Variants in MELK observed in about 807,000 individuals in gnomAD.
MELK encodes the protein pEg3 kinase.
MELK carries 81 observed loss-of-function variants against 85.0 expected under a neutral mutation model. That is an observed-to-expected ratio of 0.95 (90% CI 0.80 to 1.15). The LOEUF is 1.15. MELK is among the 50% of genes most tolerant of loss of function. The pLI is 0.00. For missense variants in MELK, 754 were observed against 777.5 expected (o/e 0.97, Z 0.36); for synonymous variants, 252 against 265.0 (o/e 0.95, Z 0.48).
At chr9:36,664,710 A>C (rs1832165311) in intron 13 of MELK, among the ~76,000 whole-genome samples, 1 of 152,218 alleles carries the variant, frequency 6.6e-6, no homozygotes, top group Middle Eastern at 3.2e-3. Context: ...TCCTGGCTTT[A>C]CATGGGAGCT....
intron 8 of MELK, among the ~76,000 whole-genome samples, chr9:36,627,521 TCTC>T (rs1467306586): frequency 2.9e-5 from 4 of 137,606 alleles, no homozygotes; most frequent in South Asian, 2.2e-4. Context: ...TCTCTCTCTC[TCTC>T]TTTTTTTTTT....
At chr9:36,609,147 G>A (rs1825849268) in intron 8 of MELK, among the ~76,000 whole-genome samples, 1 of 152,114 alleles carries the variant, frequency 6.6e-6, no homozygotes, top group Admixed American at 6.6e-5. Context: ...GTGACTGCCT[G>A]TGAGTATGGG....
At chr9:36,671,503 C>T (rs1016259585) in intron 16 of MELK, among the ~76,000 whole-genome samples, 6 of 151,996 alleles carry the variant, frequency 3.9e-5, no homozygotes, top group African/African-American at 1.5e-4. Flanking sequence ...CAGTTGTGTC[C>T]CTGATTCATG....
chr9:36,640,468 A>G (rs767899758), intron 10 of MELK, among the ~76,000 whole-genome samples: 1 of 151,938 alleles, frequency 6.6e-6, no homozygotes, highest in Non-Finnish European at 1.5e-5. Context: ...TTTTAAAGAG[A>G]TAGGGTCTCA....
intron 3 of MELK, 72 bp downstream of exon 3, chr9:36,583,784 A>T (rs935978058): frequency 4.3e-5 from 45 of 1,054,682 alleles, no homozygotes; most frequent in Non-Finnish European, 5.7e-5. Flanking sequence ...GAATTGTTCT[A>T]ATGTTCTAGT....
intron 5 of MELK, among the ~76,000 whole-genome samples, chr9:36,595,586 G>A (rs1824126176): frequency 6.8e-6 from 1 of 146,492 alleles, no homozygotes; most frequent in Admixed American, 7.1e-5. Context: ...TCAATTGTGT[G>A]TGACTTTATA....
At chr9:36,597,674 T>G (rs115892691) in intron 6 of MELK, among the ~76,000 whole-genome samples, 323 of 152,348 alleles carry the variant, frequency 2.1e-3, no homozygotes, top group African/African-American at 7.3e-3. Flanking sequence ...TTAGTGCAAA[T>G]CTGTTATCCA....
intron 3 of MELK, among the ~76,000 whole-genome samples, chr9:36,588,609 C>A (rs180958418): frequency 1.3e-5 from 2 of 152,110 alleles, no homozygotes. Context: ...AAAGTCCCAA[C>A]CTCAGGTAGT....
At chr9:36,607,836 T>C (rs1014695714) in intron 8 of MELK, among the ~76,000 whole-genome samples, 163 bp downstream of exon 8, 1 of 152,192 alleles carries the variant, frequency 6.6e-6, no homozygotes, top group Non-Finnish European at 1.5e-5. Flanking sequence ...TGGGCTTCTG[T>C]TCTGTTTCTT....
At chr9:36,651,060 G>C (rs57068255) in intron 11 of MELK, among the ~76,000 whole-genome samples, 69 of 152,314 alleles carry the variant, frequency 4.5e-4, no homozygotes, top group African/African-American at 1.6e-3. Flanking sequence ...GACCACATTG[G>C]TTGTTAAAAT....
intron 11 of MELK, among the ~76,000 whole-genome samples, chr9:36,648,041 G>T (rs909475276): frequency 6.6e-6 from 1 of 152,022 alleles, no homozygotes; most frequent in South Asian, 2.1e-4. Flanking sequence ...AGACTATTCC[G>T]TACTGTTAAA....
intron 8 of MELK, among the ~76,000 whole-genome samples, chr9:36,611,892 C>G (rs1826098155): frequency 6.6e-6 from 1 of 151,836 alleles, no homozygotes; most frequent in Non-Finnish European, 1.5e-5. Flanking sequence ...TCTGCCTCAG[C>G]CTTCCAAGTA....
chr9:36,630,339 G>C lies in MELK; in HGVS notation c.707G>C (p.Ser236Thr), dbSNP rs376164595. Residue 236 changes from serine (S) to threonine (T), a missense_variant, in exon 9 of 18, where the codon AGC becomes ACC. By Grantham distance (58) the Ser-to-Thr change is moderately conservative (BLOSUM62 1). Coordinates refer to ENST00000298048, the MANE Select transcript of MELK (RefSeq NM_014791.4). ...GTTCCCAAGTGGCTCTCTCCCAGTA[G>C]CATTCTGCTTCTTCAACAAATGCTG... ...YDVPKWLSPS[S>T]ILLLQQMLQV... The C allele has an allele frequency of 1.2e-6, 2 of 1,611,290 alleles. No individual in the cohort carries two copies. Among genetic ancestry groups the C allele is most frequent in the South Asian group, 2.2e-5 (2 of 90,966 alleles).
intron 8 of MELK, among the ~76,000 whole-genome samples, chr9:36,620,921 C>T (rs1030953626): frequency 1.3e-5 from 2 of 151,978 alleles, no homozygotes; most frequent in Non-Finnish European, 2.9e-5. Context: ...GCCAGCATTG[C>T]ACCTGCCAAC....
intron 16 of MELK, among the ~76,000 whole-genome samples, chr9:36,674,169 G>A (rs1424134234): frequency 6.6e-6 from 1 of 152,132 alleles, no homozygotes; most frequent in Non-Finnish European, 1.5e-5. Context: ...GTGTGTCCAG[G>A]ACCCACTAAA....
chr9:36,583,754 A>C (rs775068210), intron 3 of MELK, 42 bp downstream of exon 3: 10 of 1,389,722 alleles, frequency 7.2e-6, no homozygotes, highest in Non-Finnish European at 1.0e-5. Flanking sequence ...CTTATAGATC[A>C]GTTTCGTGAA....
chr9:36,663,143 C>T lies in MELK; in HGVS notation c.1177-2207C>T, dbSNP rs78352306. Among the ~76,000 whole-genome samples, 682 of 151,564 alleles carry T rather than the reference C, an allele frequency of 4.5e-3. 13 individuals carry two copies. In the East Asian group the frequency reaches 0.053, roughly 12 times the overall value. On this transcript the variant is annotated intron_variant, in intron 13 of 17. Coordinates refer to ENST00000298048, the MANE Select transcript of MELK (RefSeq NM_014791.4). Reference sequence around the variant, plus strand: ...TTGCCCAGGCTGGAGTGCAATGGCACGATCTCAGCTTACTGCAACCTCTGC... The same window carrying T: ...TTGCCCAGGCTGGAGTGCAATGGCATGATCTCAGCTTACTGCAACCTCTGC...
Position 36,581,742 on chromosome 9 carries a change from A to G in MELK, c.58+3A>G. 4 of 1,589,084 alleles carry G rather than the reference A, an allele frequency of 2.5e-6. No individual in the cohort carries two copies. The highest frequency in any genetic ancestry group is 3.5e-6 in the Non-Finnish European group (4 of 1,158,728). On this transcript the variant is annotated splice_donor_region_variant and intron_variant, in intron 2 of 17. Transcript: ENST00000298048. Reference sequence around the variant, plus strand: ...ATTACATGAAACTATTGGGACAGGTAATTGTTATTTTTTTTTGGAGGCAGT... The same window carrying G: ...ATTACATGAAACTATTGGGACAGGTGATTGTTATTTTTTTTTGGAGGCAGT...
chr9:36,608,645 G>A (rs1037423447), intron 8 of MELK, among the ~76,000 whole-genome samples: 2 of 151,758 alleles, frequency 1.3e-5, no homozygotes, highest in African/African-American at 2.4e-5. Flanking sequence ...GCAATGGTGC[G>A]ATCTTGGCTC....
Sources: allele counts gnomAD v4.1 joint callset (sites outside exome capture counted in the v4.1 genomes callset), GRCh38; gene constraint gnomAD v4.1.1; transcripts MANE v1.5; gene names NCBI Gene and HGNC (gene_info 2026-07-23, HGNC 2026-07-21).